Variants in KAZN observed in about 807,000 individuals in gnomAD.
The protein encoded by KAZN is kazrin, periplakin interacting protein, also known as kazrin.
In KAZN, 40 loss-of-function variants were observed where a neutral mutation model predicts 87.4. The ratio of observed to expected loss-of-function variants is 0.46; its 90% CI spans 0.36 to 0.60. The LOEUF is 0.60. KAZN is among the 20% of genes least tolerant of loss of function. KAZN has a pLI of 0.00. For missense variants in KAZN, 898 were observed against 1,073.9 expected, an observed-to-expected ratio of 0.84 and a Z score of 2.29; for synonymous variants, 466 against 458.3, an observed-to-expected ratio of 1.02 and a Z score of -0.22.
At chr1:14,103,120 C>G (rs530465071) in intron 1 of KAZN, among the ~76,000 whole-genome samples, 47 of 152,080 alleles carry the variant, frequency 3.1e-4, no homozygotes, top group African/African-American at 1.0e-3. Flanking sequence ...AGGGTCTCAC[C>G]ATGTTGGCCA....
intron 1 of KAZN, among the ~76,000 whole-genome samples, chr1:14,771,528 C>T (rs1167660790): frequency 6.6e-6 from 1 of 151,950 alleles, no homozygotes; most frequent in Non-Finnish European, 1.5e-5. Flanking sequence ...GGTTGGGGAA[C>T]AAGAGTCTAG....
At chr1:14,650,525 GA>G in intron 1 of KAZN, among the ~76,000 whole-genome samples, 1 of 152,314 alleles carries the variant, frequency 6.6e-6, no homozygotes, top group East Asian at 1.9e-4. Context: ...CAGCCTGGGG[GA>G]TAGAGTGAAA....
At chr1:14,204,321 C>T (rs1457378435) in intron 2 of KAZN, among the ~76,000 whole-genome samples, 3 of 152,124 alleles carry the variant, frequency 2.0e-5, no homozygotes, top group Non-Finnish European at 4.4e-5. Context: ...ATAGGACATG[C>T]CAGGATTCAT....
chr1:14,607,969 ATTG>A (rs1018085914), intron 1 of KAZN, among the ~76,000 whole-genome samples: 8 of 152,202 alleles, frequency 5.3e-5, no homozygotes, highest in African/African-American at 1.9e-4. Context: ...AGAGTTAGAT[ATTG>A]TTATCCTCTC....
intron 1 of KAZN, among the ~76,000 whole-genome samples, chr1:13,966,107 G>A (rs773397277): frequency 6.6e-6 from 1 of 152,080 alleles, no homozygotes; most frequent in Non-Finnish European, 1.5e-5. Context: ...CTAAGCCTTT[G>A]CTGCTCCTTC....
rs546941700 is a variant in KAZN, at chr1:14,311,830, G to A, written c.249+131238G>A. On this transcript the variant is annotated intron_variant, in intron 2 of 16. Transcript: ENST00000636203. ...AGTGAAGAGAAAAAGTAGTGCAAAT[G>A]TATGGAGGTGGGGACCAGATGAGGC... Among the ~76,000 whole-genome samples the A allele has an allele frequency of 1.4e-4, 22 of 152,228 alleles. 1 individual carries two copies. Among genetic ancestry groups the A allele is most frequent in the Middle Eastern group, 3.4e-3 (1 of 294 alleles).
At chr1:14,005,568 G>A (rs1640001609) in intron 1 of KAZN, among the ~76,000 whole-genome samples, 1 of 152,158 alleles carries the variant, frequency 6.6e-6, no homozygotes, top group South Asian at 2.1e-4. Context: ...CAGAGGAAAG[G>A]CGAGGGTTGA....
intron 1 of KAZN, among the ~76,000 whole-genome samples, chr1:14,631,598 A>G (rs1284281902): frequency 6.6e-6 from 1 of 152,230 alleles, no homozygotes; most frequent in Non-Finnish European, 1.5e-5. Flanking sequence ...TCAGGTGTCC[A>G]GCTGGTGGCC....
At chr1:14,804,677 G>A (rs910906699) in intron 1 of KAZN, among the ~76,000 whole-genome samples, 1 of 152,204 alleles carries the variant, frequency 6.6e-6, no homozygotes, top group Non-Finnish European at 1.5e-5. Flanking sequence ...GTCTTTTTAG[G>A]AGAGACACAT....
chr1:14,922,000 C>T (rs1361368755), intron 1 of KAZN, among the ~76,000 whole-genome samples: 1 of 152,212 alleles, frequency 6.6e-6, no homozygotes, highest in Admixed American at 6.5e-5. Context: ...GCATGAGCCA[C>T]CATGCCCAGC....
chr1:13,977,902 T>C lies in KAZN; in HGVS notation c.91+84146T>C, dbSNP rs541131031. ...CAGCACTTTGGGAGGCCGAGGCGGG[T>C]GTATCACAAGGTCAGGAGATTGAGA... On this transcript the variant is annotated intron_variant, in intron 1 of 16. Transcript: ENST00000636203. 1.4e-4 allele frequency among the ~76,000 whole-genome samples: 21 copies of C among 151,658 alleles called. No homozygotes were observed. The East Asian group carries it at 2.9e-3, about 21-fold the overall frequency.
intron 2 of KAZN, among the ~76,000 whole-genome samples, chr1:14,970,753 T>G (rs7544674): frequency 1.3e-5 from 2 of 152,146 alleles, no homozygotes; most frequent in African/African-American, 4.8e-5. Context: ...CCATTTATCC[T>G]GAGAACAACG....
chr1:14,997,384 G>A (rs1668006268), intron 2 of KAZN, among the ~76,000 whole-genome samples: 1 of 151,946 alleles, frequency 6.6e-6, no homozygotes, highest in Admixed American at 6.6e-5. Flanking sequence ...GGGATTACAG[G>A]CATGCGTCAC....
At chr1:14,702,007 T>TTC (rs1456656745) in intron 1 of KAZN, among the ~76,000 whole-genome samples, 3 of 152,164 alleles carry the variant, frequency 2.0e-5, no homozygotes, top group African/African-American at 7.2e-5. Flanking sequence ...GGAGGCCCCT[T>TTC]TCCCTACTTG....
chr1:14,198,022 G>C (rs1646563817), intron 2 of KAZN, among the ~76,000 whole-genome samples: 1 of 13,922 alleles, frequency 7.2e-5, no homozygotes. Flanking sequence ...AAAAATCATA[G>C]TAACAGAGTA....
intron 2 of KAZN, among the ~76,000 whole-genome samples, chr1:15,020,952 T>C (rs1670608449): frequency 1.3e-5 from 2 of 152,084 alleles, no homozygotes; most frequent in African/African-American, 4.8e-5. Context: ...CTCTCTCCTC[T>C]CTTGTAAACT....
chr1:14,849,141 T>C (rs189437053), intron 1 of KAZN, among the ~76,000 whole-genome samples: 2 of 152,286 alleles, frequency 1.3e-5, no homozygotes, highest in East Asian at 1.9e-4. Context: ...AATATCTGCC[T>C]CCTGCAAGGG....
chr1:14,750,858 A>C (rs1469109048), intron 1 of KAZN, among the ~76,000 whole-genome samples: 1 of 152,160 alleles, frequency 6.6e-6, no homozygotes, highest in Non-Finnish European at 1.5e-5. Flanking sequence ...TGAGGCTATC[A>C]CCAGAAATAC....
intron 1 of KAZN, among the ~76,000 whole-genome samples, chr1:14,165,136 C>T (rs1229704999): frequency 6.6e-6 from 1 of 151,878 alleles, no homozygotes; most frequent in African/African-American, 2.4e-5. Context: ...GTGTACATAG[C>T]TAGTTTTATG....
Sources: gnomAD v4.1 joint callset for allele counts (sites outside exome capture counted in the v4.1 genomes callset) on GRCh38, gnomAD v4.1.1 for gene constraint, MANE v1.5 for transcripts, NCBI Gene and HGNC (gene_info 2026-07-23, HGNC 2026-07-21) for gene names.